The following SOX6 variants were observed in gnomAD, a reference collection of about 807,000 sequenced individuals.
SOX6 encodes the protein transcription factor SOX-6.
In SOX6, 11 loss-of-function variants were observed where a neutral mutation model predicts 97.8. The observed-to-expected ratio is 0.11, with a 90% CI of 0.07 to 0.19. The LOEUF (loss-of-function observed/expected upper bound fraction) is 0.19, where lower values mean the gene tolerates loss of function less well. Among genes scored for constraint, SOX6 ranks in the 10% least tolerant of loss-of-function variants. The pLI, the probability that SOX6 is intolerant of heterozygous loss-of-function variation, is 1.00. For synonymous variants in SOX6, 360 were observed against 371.4 expected (o/e 0.97, Z 0.35); for missense variants, 810 against 1,039.5 (o/e 0.78, Z 3.04).
At chr11:16,479,595 CA>C (rs1383103226), upstream of SOX6, among the ~76,000 whole-genome samples, 1 of 149,690 alleles carries the variant, frequency 6.7e-6, no homozygotes, top group Non-Finnish European at 1.5e-5. Flanking sequence ...TGCAAATGTC[CA>C]ATAATATAAA....
intron 4 of SOX6, among the ~76,000 whole-genome samples, chr11:16,560,214 G>A (rs529071298): frequency 6.6e-6 from 1 of 152,256 alleles, no homozygotes; most frequent in African/African-American, 2.4e-5. Context: ...AAAATTGGAA[G>A]CTAGAATGGT....
intron 14 of SOX6, among the ~76,000 whole-genome samples, chr11:15,988,308 T>C (rs1441778037): frequency 6.6e-6 from 1 of 152,206 alleles, no homozygotes; most frequent in Non-Finnish European, 1.5e-5. Flanking sequence ...TCTACACTAA[T>C]AGAACAAGGC....
chr11:16,579,353 T>C (rs1848010371), intron 4 of SOX6, among the ~76,000 whole-genome samples: 1 of 152,030 alleles, frequency 6.6e-6, no homozygotes, highest in Admixed American at 6.6e-5. Context: ...GATGAGTTTT[T>C]ATATACGTAT....
intron 13 of SOX6, among the ~76,000 whole-genome samples, chr11:16,003,614 A>T (rs1196488461): frequency 6.6e-6 from 1 of 152,116 alleles, no homozygotes; most frequent in Non-Finnish European, 1.5e-5. Context: ...GTAAATACTC[A>T]AATGCTTACT....
intron 3 of SOX6, among the ~76,000 whole-genome samples, chr11:16,293,009 C>A (rs924200567): frequency 2.6e-5 from 4 of 152,054 alleles, no homozygotes; most frequent in Non-Finnish European, 2.9e-5. Flanking sequence ...ATATTTAGAG[C>A]AAACATATTT....
intron 3 of SOX6, among the ~76,000 whole-genome samples, chr11:16,266,129 A>T (rs1266578772): frequency 6.6e-6 from 1 of 151,804 alleles, no homozygotes; most frequent in Non-Finnish European, 1.5e-5. Context: ...GTACATCATA[A>T]TTAACTTGCT....
intron 12 of SOX6, among the ~76,000 whole-genome samples, chr11:16,020,008 A>G (rs1415498381): frequency 6.6e-6 from 1 of 152,132 alleles, no homozygotes; most frequent in African/African-American, 2.4e-5. Context: ...AATTTTTATG[A>G]AAGTTTGATT....
chr11:16,220,183 C>T (rs1225959339), intron 4 of SOX6, among the ~76,000 whole-genome samples: 2 of 151,944 alleles, frequency 1.3e-5, no homozygotes, highest in Non-Finnish European at 2.9e-5. Context: ...TCCATATTAA[C>T]TGTGTGTTCA....
chr11:16,738,392 C>G (rs372312005), intron 1 of SOX6: 161 of 271,908 alleles, frequency 5.9e-4, no homozygotes, highest in African/African-American at 3.0e-3. Flanking sequence ...TAAGCCTCCT[C>G]CTGTGGCGAC....
intron 1 of SOX6, among the ~76,000 whole-genome samples, chr11:16,417,972 C>T (rs775721619): frequency 1.7e-4 from 26 of 152,312 alleles, no homozygotes; most frequent in Non-Finnish European, 3.7e-4. Flanking sequence ...CCTGATGCTA[C>T]AGCTTTTAAA....
chr11:16,451,424 T>C (rs1859713992), intron 1 of SOX6, among the ~76,000 whole-genome samples: 1 of 152,158 alleles, frequency 6.6e-6, no homozygotes, highest in Admixed American at 6.5e-5. Flanking sequence ...GAAGATTGGA[T>C]GTCTGCTAAG....
intron 4 of SOX6, among the ~76,000 whole-genome samples, chr11:16,224,589 T>A (rs1852630256): frequency 6.6e-6 from 1 of 152,056 alleles, no homozygotes; most frequent in Admixed American, 6.6e-5. Context: ...AAGTAAAAGA[T>A]GTTGATAACA....
chr11:16,661,407 T>G (rs1039216551), intron 3 of SOX6, among the ~76,000 whole-genome samples: 1 of 152,224 alleles, frequency 6.6e-6, no homozygotes, highest in Non-Finnish European at 1.5e-5. Flanking sequence ...AGTCTCTTGA[T>G]GTATTTACAA....
intron 3 of SOX6, among the ~76,000 whole-genome samples, chr11:16,309,487 G>T (rs1855534620): frequency 6.6e-6 from 1 of 151,968 alleles, no homozygotes; most frequent in Non-Finnish European, 1.5e-5. Context: ...CGACCGATTG[G>T]AAACTATTTT....
At chr11:16,112,158 G>A (rs1590203822) in intron 6 of SOX6, among the ~76,000 whole-genome samples, 1 of 152,088 alleles carries the variant, frequency 6.6e-6, no homozygotes, top group Admixed American at 6.6e-5. Flanking sequence ...TGCTTCCACC[G>A]AACTGTAGTT....
chr11:16,190,971 T>C (rs776711248), intron 4 of SOX6, among the ~76,000 whole-genome samples: 25 of 152,166 alleles, frequency 1.6e-4, no homozygotes, highest in Non-Finnish European at 3.1e-4. Flanking sequence ...CCATCCAACC[T>C]GTGAATACAA....
chr11:16,104,649 TAC>T (rs146505312), intron 7 of SOX6, among the ~76,000 whole-genome samples: 3 of 149,752 alleles, frequency 2.0e-5, no homozygotes, highest in South Asian at 2.1e-4. Context: ...ATTACACACA[TAC>T]ACACACACAC....
At chr11:16,140,567 CATA>C (rs1850105582) in intron 6 of SOX6, among the ~76,000 whole-genome samples, 1 of 152,026 alleles carries the variant, frequency 6.6e-6, no homozygotes. Flanking sequence ...AGAAAATGAA[CATA>C]ATGTGGTTCA....
rs1853183147 is a variant in SOX6, at chr11:15,967,816, G to T, written c.*4993C>A. ...ACTACTGAGCAAGATATGTCACTGA[G>T]TTTTCTTCAAGCGTTCATATTGCCA... is the stretch of plus-strand genomic sequence containing the variant. On this transcript the variant is annotated 3_prime_UTR_variant, in exon 16 of 16. Transcript: ENST00000683767. 6.6e-6 allele frequency: 1 copy of T among 152,152 alleles called. No homozygotes were observed. The highest frequency in any genetic ancestry group is 6.5e-5 in the Admixed American group (1 of 15,268). The allele number at this position is 152,152 out of a possible 1,614,324, so 9.4% of individuals were successfully genotyped here. A position where few individuals can be genotyped will look rare whatever the true frequency, so the allele number is the denominator to read the frequency against.
Sources: allele counts gnomAD v4.1 joint callset (sites outside exome capture counted in the v4.1 genomes callset), GRCh38; gene constraint gnomAD v4.1.1; transcripts MANE v1.5; gene names NCBI Gene and HGNC (gene_info 2026-07-23, HGNC 2026-07-21).